Variants in PTPRG observed in about 807,000 individuals in gnomAD.
PTPRG encodes protein tyrosine phosphatase receptor type G.
In PTPRG, 102 loss-of-function variants were observed where a neutral mutation model predicts 165.3. The ratio of observed to expected loss-of-function variants is 0.62; its 90% CI spans 0.53 to 0.73. The LOEUF is 0.73. Among genes scored for constraint, PTPRG ranks in the 30% least tolerant of loss-of-function variants. The pLI is 0.00. For missense variants in PTPRG, 1,866 were observed against 1,861.4 expected, an observed-to-expected ratio of 1.00 and a Z score of -0.05; for synonymous variants, 675 against 669.5, an observed-to-expected ratio of 1.01 and a Z score of -0.13.
At chr3:62,263,169 A>G (rs1701753250) in intron 17 of PTPRG, 1 of 307,530 alleles carries the variant, frequency 3.3e-6, no homozygotes, top group Non-Finnish European at 6.0e-6. Context: ...ATGTCATATC[A>G]CATGTTGGGA....
intron 8 of PTPRG, among the ~76,000 whole-genome samples, chr3:62,168,998 T>C (rs1705107390): frequency 6.6e-6 from 1 of 152,174 alleles, no homozygotes; most frequent in African/African-American, 2.4e-5. Context: ...TGATTGTCCC[T>C]TGACATTCAG....
In PTPRG at chr3:61,649,599, G is replaced by A. The variant is rs142920512; in HGVS notation, c.85+87227G>A. Among the ~76,000 whole-genome samples the A allele has an allele frequency of 6.5e-4, 99 of 152,300 alleles. 1 individual carries two copies. Among genetic ancestry groups the A allele is most frequent in the Admixed American group, 1.6e-3 (24 of 15,300 alleles). On this transcript the variant is annotated intron_variant, in intron 1 of 29. Transcript: ENST00000474889. ...GGCCTAATTGCCTCGTAAAGATCCCGATTCTTAATACCATCACATTGACAA... is the reference window on the plus strand; with the variant it reads ...GGCCTAATTGCCTCGTAAAGATCCCAATTCTTAATACCATCACATTGACAA...
At chr3:61,879,741 A>G (rs2037834666) in intron 2 of PTPRG, among the ~76,000 whole-genome samples, 1 of 152,204 alleles carries the variant, frequency 6.6e-6, no homozygotes, top group African/African-American at 2.4e-5. Flanking sequence ...TGCTGTAACT[A>G]GAACCTCCAG....
At chr3:61,750,139 A>C (rs923223730) in intron 2 of PTPRG, 1 of 152,208 alleles carries the variant, frequency 6.6e-6, no homozygotes, top group Non-Finnish European at 1.5e-5. Flanking sequence ...GAATTATCTA[A>C]TTAGAGGCTT....
At chr3:61,762,048 G>C (rs949523247) in intron 2 of PTPRG, among the ~76,000 whole-genome samples, 1 of 152,182 alleles carries the variant, frequency 6.6e-6, no homozygotes, top group African/African-American at 2.4e-5. Flanking sequence ...TGTTGGACTA[G>C]CACCTGCAAA....
At chr3:61,922,557 C>T (rs1309981104) in intron 2 of PTPRG, among the ~76,000 whole-genome samples, 1 of 152,244 alleles carries the variant, frequency 6.6e-6, no homozygotes. Flanking sequence ...GGTACAGACT[C>T]AGGAGCCTGC....
At chr3:62,204,192 G>C (rs1034712768) in intron 12 of PTPRG, among the ~76,000 whole-genome samples, 2 of 152,100 alleles carry the variant, frequency 1.3e-5, no homozygotes, top group African/African-American at 4.8e-5. Context: ...TCTTGCCTCG[G>C]AATAACTCCA....
At chr3:61,692,972 G>T (rs1050056987) in intron 1 of PTPRG, among the ~76,000 whole-genome samples, 1 of 152,204 alleles carries the variant, frequency 6.6e-6, no homozygotes. Context: ...TTCTTCTTCA[G>T]GGTCTTCCCA....
intron 1 of PTPRG, among the ~76,000 whole-genome samples, chr3:61,663,553 G>A (rs955106169): frequency 6.6e-5 from 10 of 152,082 alleles, no homozygotes; most frequent in African/African-American, 1.4e-4. Context: ...TCCATGGACC[G>A]GGGGTTGGGG....
chr3:61,897,126 T>C (rs1317427986), intron 2 of PTPRG, among the ~76,000 whole-genome samples: 4 of 152,150 alleles, frequency 2.6e-5, no homozygotes. Flanking sequence ...TTATAGATCA[T>C]GCTCTTAGTG....
intron 16 of PTPRG, among the ~76,000 whole-genome samples, chr3:62,259,967 A>T (rs1475369041): frequency 6.6e-6 from 1 of 152,220 alleles, no homozygotes; most frequent in Non-Finnish European, 1.5e-5. Context: ...GAATCTCTCC[A>T]CACGTTTCTG....
At chr3:61,711,207 T>C (rs1342051364) in intron 1 of PTPRG, among the ~76,000 whole-genome samples, 4 of 152,224 alleles carry the variant, frequency 2.6e-5, no homozygotes, top group African/African-American at 9.6e-5. Flanking sequence ...GTCTTTGCTA[T>C]GGTGAATAGT....
chr3:61,637,716 C>G (rs761129145), intron 1 of PTPRG, among the ~76,000 whole-genome samples: 11 of 152,258 alleles, frequency 7.2e-5, no homozygotes, highest in Non-Finnish European at 1.3e-4. Context: ...ACCAGTGTTG[C>G]CAACTGTGGA....
At chr3:61,756,545 T>C (rs2033640039) in intron 2 of PTPRG, among the ~76,000 whole-genome samples, 1 of 152,234 alleles carries the variant, frequency 6.6e-6, no homozygotes, top group Admixed American at 6.5e-5. Context: ...TTGTTCTCTC[T>C]ACTTAGAGTT....
intron 1 of PTPRG, chr3:61,659,186 A>G: frequency 2.0e-6 from 1 of 512,440 alleles, no homozygotes; most frequent in Non-Finnish European, 2.5e-6. Context: ...AACATCAGAC[A>G]GGATGCTGAT....
chr3:62,129,095 G>A (rs940378244), intron 5 of PTPRG, among the ~76,000 whole-genome samples: 1 of 152,150 alleles, frequency 6.6e-6, no homozygotes, highest in Non-Finnish European at 1.5e-5. Context: ...GACGATGGGA[G>A]CTGAATGGAT....
chr3:61,635,206 C>T (rs1044761854), intron 1 of PTPRG, among the ~76,000 whole-genome samples: 12 of 151,784 alleles, frequency 7.9e-5, no homozygotes, highest in African/African-American at 2.9e-4. Context: ...AAATAAAATC[C>T]AATAAAATGA....
At chr3:62,218,655 A>T (rs1445638070) in intron 12 of PTPRG, among the ~76,000 whole-genome samples, 196 bp from the exon 13 acceptor site, 2 of 152,186 alleles carry the variant, frequency 1.3e-5, no homozygotes, top group Middle Eastern at 3.2e-3. Context: ...TGCAGCCCAT[A>T]GAAGAGGCCC....
intron 2 of PTPRG, among the ~76,000 whole-genome samples, chr3:61,773,257 G>A (rs922593185): frequency 2.0e-5 from 3 of 152,120 alleles, no homozygotes; most frequent in African/African-American, 7.2e-5. Context: ...TACAATGATA[G>A]TTAATTACTA....
Sources: allele counts gnomAD v4.1 joint callset (sites outside exome capture counted in the v4.1 genomes callset), GRCh38; gene constraint gnomAD v4.1.1; transcripts MANE v1.5; gene names NCBI Gene and HGNC (gene_info 2026-07-23, HGNC 2026-07-21).